SUSD3: variants seen among roughly 807,000 people sequenced by gnomAD.
SUSD3 encodes sushi domain-containing protein 3.
A neutral mutation model predicts 20.6 loss-of-function variants in SUSD3; 18 were observed. That is an observed-to-expected ratio of 0.87 (90% CI 0.60 to 1.30). SUSD3 has a LOEUF of 1.30. SUSD3 is among the 50% of genes most tolerant of loss of function. The probability of loss-of-function intolerance (pLI) is 0.00; values close to 1 mark genes in which losing one functional copy is unlikely to be tolerated. For synonymous variants in SUSD3, 137 were observed against 141.5 expected (o/e 0.97, Z 0.23); for missense variants, 306 against 346.9 (o/e 0.88, Z 0.94).
At chr9:93,075,735 T>TGGGGGGGGGGGGGGGGGGGGGG in intron 1 of SUSD3, 49 bp from the exon 2 acceptor site, 1 of 247,428 alleles carries the variant, frequency 4.0e-6, no homozygotes. Flanking sequence ...CTGCCCTGCG[T>TGGGGGGGGGGGGGGGGGGGGGG]GCCCACCCCC....
chr9:93,084,678 A>G lies in SUSD3; in HGVS notation c.699A>G (p.Arg233=), dbSNP rs1250783712. 6.2e-7 allele frequency: 1 copy of G among 1,605,852 alleles called. No individual in the cohort carries two copies. The highest frequency in any genetic ancestry group is 1.7e-4 in the Middle Eastern group (1 of 6,048). Residue 233 remains arginine, a synonymous_variant, in exon 5 of 5, where the codon AGA becomes AGG. Coordinates refer to ENST00000375472, the MANE Select transcript of SUSD3 (RefSeq NM_145006.4). The part of the protein sequence containing the change: ...AQVMVHMANP[R]QPLPASGLAT... Reference sequence around the variant, plus strand: ...TGATGGTGCACATGGCAAACCCCAGACAGCCCCTGCCTGCCTCTGGGCTGG... The same window carrying G: ...TGATGGTGCACATGGCAAACCCCAGGCAGCCCCTGCCTGCCTCTGGGCTGG...
chr9:93,075,731 T>TGGGGGGGGGGGGGGGGG, intron 1 of SUSD3, 53 bp from the exon 2 acceptor site: 7 of 398,892 alleles, frequency 1.8e-5, no homozygotes, highest in Non-Finnish European at 2.2e-5. Flanking sequence ...AGCCCTGCCC[T>TGGGGGGGGGGGGGGGGG]GCGTGCCCAC....
intron 1 of SUSD3, among the ~76,000 whole-genome samples, chr9:93,059,487 C>T (rs1825423435): frequency 6.6e-6 from 1 of 152,184 alleles, no homozygotes; most frequent in Admixed American, 6.5e-5. Flanking sequence ...GCTCCCGTGC[C>T]CAAGGCTCCG....
intron 1 of SUSD3, among the ~76,000 whole-genome samples, chr9:93,063,729 C>A (rs74513746): frequency 0.14 from 22,038 of 152,020 alleles, 1,726 homozygotes; most frequent in Middle Eastern, 0.25. Flanking sequence ...AGTTACTTCC[C>A]CCAGACCCTC....
chr9:93,061,580 G>A (rs901012430), intron 1 of SUSD3, among the ~76,000 whole-genome samples: 1 of 152,236 alleles, frequency 6.6e-6, no homozygotes, highest in African/African-American at 2.4e-5. Context: ...TCTGAAGCCT[G>A]TGCTCACCCT....
intron 1 of SUSD3, among the ~76,000 whole-genome samples, chr9:93,064,484 C>G (rs1216680587): frequency 1.3e-5 from 2 of 152,228 alleles, no homozygotes; most frequent in Non-Finnish European, 2.9e-5. Context: ...CCACCACCTG[C>G]AGTTGCTGTC....
At chr9:93,073,995 C>T (rs1826018248) in intron 1 of SUSD3, among the ~76,000 whole-genome samples, 1 of 152,172 alleles carries the variant, frequency 6.6e-6, no homozygotes, top group Non-Finnish European at 1.5e-5. Context: ...GATGGTTCTC[C>T]CTGGGTAGGC....
rs559025379 is a variant in SUSD3 at position 93,059,780 on chromosome 9, C to G, written c.88+950C>G. Among the ~76,000 whole-genome samples, 8 of 152,344 alleles carry G rather than the reference C, an allele frequency of 5.3e-5. No homozygotes were observed. The East Asian group carries it at 7.7e-4, about 15-fold the overall frequency. On this transcript the variant is annotated intron_variant, in intron 1 of 4. Transcript: ENST00000375472. The stretch of plus-strand genomic sequence containing the variant: ...GAAGGTGGCAGGAGAATGGCTTCCT[C>G]TCACAGTTGGGGAAACTGCGGCTCA...
intron 1 of SUSD3, among the ~76,000 whole-genome samples, chr9:93,071,517 T>A (rs1235066300): frequency 6.6e-6 from 1 of 152,240 alleles, no homozygotes; most frequent in African/African-American, 2.4e-5. Context: ...CTAGCCTCAC[T>A]GGCAGCTGAT....
intron 4 of SUSD3, among the ~76,000 whole-genome samples, chr9:93,081,225 G>A (rs1378640040): frequency 1.3e-5 from 2 of 152,140 alleles, no homozygotes; most frequent in African/African-American, 2.4e-5. Flanking sequence ...CCATCTCTGC[G>A]GTTGGCCACT....
intron 1 of SUSD3, among the ~76,000 whole-genome samples, chr9:93,064,624 G>C (rs1233469355): frequency 6.6e-6 from 1 of 152,200 alleles, no homozygotes; most frequent in Non-Finnish European, 1.5e-5. Flanking sequence ...GAGCCGACTG[G>C]TCAACCTCAG....
At chr9:93,079,378 A>C (rs967031691) in intron 3 of SUSD3, 93 bp from the exon 4 acceptor site, 1 of 1,430,380 alleles carries the variant, frequency 7.0e-7, no homozygotes, top group African/African-American at 1.4e-5. Flanking sequence ...CTGGTCCTGC[A>C]GACGGTGCCC....
intron 1 of SUSD3, among the ~76,000 whole-genome samples, chr9:93,065,103 G>T (rs183744425): frequency 6.6e-6 from 1 of 152,172 alleles, no homozygotes; most frequent in Non-Finnish European, 1.5e-5. Context: ...GACCCTGGTG[G>T]GTGGGAAGGG....
chr9:93,074,616 C>CTTTTTTTT (rs989411910), intron 1 of SUSD3, among the ~76,000 whole-genome samples: 6 of 96,350 alleles, frequency 6.2e-5, no homozygotes, highest in African/African-American at 9.1e-5. Context: ...GCAGCAGATT[C>CTTTTTTTT]TTTTTTTTTT....
At chr9:93,065,308 A>T (rs1825663478) in intron 1 of SUSD3, among the ~76,000 whole-genome samples, 1 of 152,198 alleles carries the variant, frequency 6.6e-6, no homozygotes, top group East Asian at 1.9e-4. Flanking sequence ...CCCTCCAGGC[A>T]TCTCATTATT....
chr9:93,069,850 G>A (rs187287012), intron 1 of SUSD3, among the ~76,000 whole-genome samples: 1 of 151,910 alleles, frequency 6.6e-6, no homozygotes, highest in Non-Finnish European at 1.5e-5. Context: ...TACGATTTTG[G>A]CTCACTGCAA....
chr9:93,077,339 A>G (rs997914481), intron 2 of SUSD3, among the ~76,000 whole-genome samples: 10 of 151,990 alleles, frequency 6.6e-5, no homozygotes, highest in South Asian at 2.1e-4. Context: ...AGTACTGTCT[A>G]TTGTCACCTC....
At chr9:93,075,751 C>CG (rs1554748856) in intron 1 of SUSD3, 33 bp from the exon 2 acceptor site, 7 of 248,750 alleles carry the variant, frequency 2.8e-5, no homozygotes, top group Admixed American at 1.6e-4. Flanking sequence ...CCCCCCCCCC[C>CG]CCGCCATGCC....
Position 93,084,735 on chromosome 9 carries a change from T to C in SUSD3, c.756T>C (p.Tyr252=). ...ATGMPQQPAA[Y]ALG ...GAATGCCACAACAGCCCGCAGCATA[T>C]GCCCTAGGGTGACCACGCAGTGAGG... The change falls in exon 5 of 5, where the codon TAT becomes TAC. Residue 252 remains tyrosine (Y), a synonymous_variant. Coordinates refer to ENST00000375472, the MANE Select transcript of SUSD3 (RefSeq NM_145006.4). 3 of 1,522,310 alleles carry C rather than the reference T, an allele frequency of 2.0e-6. No homozygotes were observed. The highest frequency in any genetic ancestry group is 2.7e-6 in the Non-Finnish European group (3 of 1,131,600). 94.3% of individuals were successfully genotyped at this position (1,522,310 alleles called of 1,614,324 possible).
Sources: gnomAD v4.1 joint callset for allele counts (sites outside exome capture counted in the v4.1 genomes callset) on GRCh38, gnomAD v4.1.1 for gene constraint, MANE v1.5 for transcripts, NCBI Gene and HGNC (gene_info 2026-07-23, HGNC 2026-07-21) for gene names.